Variants in RNF19B observed in about 807,000 individuals in gnomAD.
RNF19B encodes ring finger protein 19B.
Under a neutral mutation model 65.5 loss-of-function variants are expected in RNF19B, and 23 were observed. The ratio of observed to expected loss-of-function variants is 0.35; its 90% confidence interval spans 0.25 to 0.50. RNF19B has a LOEUF of 0.50. RNF19B is among the 20% of genes least tolerant of loss of function. The pLI, the probability that RNF19B is intolerant of heterozygous loss-of-function variation, is 0.98. For synonymous variants in RNF19B, 372 were observed against 379.6 expected, an observed-to-expected ratio of 0.98 and a Z score of 0.23; for missense variants, 794 against 980.0, an observed-to-expected ratio of 0.81 and a Z score of 2.53.
the RNF19B span, among the ~76,000 whole-genome samples, chr1:32,930,166 G>A: frequency 6.6e-6 from 1 of 152,270 alleles, no homozygotes; most frequent in South Asian, 2.1e-4. Context: ...CTGGAGTGCA[G>A]TGGCATGATC....
intron 6 of RNF19B, 71 bp from the exon 7 acceptor site, chr1:32,942,530 A>G: frequency 1.5e-6 from 2 of 1,331,510 alleles, no homozygotes; most frequent in Non-Finnish European, 2.1e-6. Flanking sequence ...TTTTCCTGCA[A>G]TGACTTTTCA....
chr1:32,945,885 T>TA (rs1557571147), intron 4 of RNF19B, among the ~76,000 whole-genome samples: 2 of 151,986 alleles, frequency 1.3e-5, no homozygotes, highest in African/African-American at 2.4e-5. Flanking sequence ...CTTTTATTTT[T>TA]TTTTTTGGAG....
intron 1 of RNF19B, among the ~76,000 whole-genome samples, chr1:32,951,944 G>A (rs377603495): frequency 1.1e-4 from 16 of 145,224 alleles, no homozygotes; most frequent in Non-Finnish European, 1.8e-4. Context: ...ACAGGCGCCC[G>A]CCACCACGCC....
In RNF19B at chr1:32,964,279, C is replaced by G. The variant is rs1642846162; in HGVS notation, c.407G>C (p.Ser136Thr). Residue 136 changes from serine to threonine, a missense_variant, in exon 1 of 9, where the codon AGC (serine) becomes ACC (threonine). Ser to Thr is a moderately conservative substitution (Grantham distance 58). Coordinates refer to ENST00000235150, the MANE Select transcript of RNF19B (RefSeq NM_001300826.2). This position sits in a 1 kb window ranked among gnomAD's most constrained non-coding sequence, Gnocchi z 6.5. ...LPPERAPRLL[S>T]CPHRSCRDCL... Reference sequence around the variant, plus strand: ...GTCCCGGCACGAGCGGTGCGGACAGCTGAGGAGGCGCGGGGCCCGCTCAGG... The same window carrying G: ...GTCCCGGCACGAGCGGTGCGGACAGGTGAGGAGGCGCGGGGCCCGCTCAGG... The G allele has an allele frequency of 6.5e-7, 1 of 1,530,832 alleles. No homozygotes were observed. Among genetic ancestry groups the G allele is most frequent in the Non-Finnish European group, 8.8e-7 (1 of 1,141,424 alleles). The allele number at this position is 1,530,832 out of a possible 1,614,324, so 94.8% of individuals were successfully genotyped here.
At chr1:32,949,834 A>G in intron 1 of RNF19B, 60 bp from the exon 2 acceptor site, 1 of 1,328,312 alleles carries the variant, frequency 7.5e-7, no homozygotes. Context: ...CAAAAGAGAC[A>G]TTATTCATCA....
At chr1:32,959,722 C>T (rs1642724433) in intron 1 of RNF19B, among the ~76,000 whole-genome samples, 1 of 151,916 alleles carries the variant, frequency 6.6e-6, no homozygotes, top group South Asian at 2.1e-4. Context: ...TATACTAGGC[C>T]ATATTGTTCT....
chr1:32,948,970 A>T (rs918061056), intron 2 of RNF19B, among the ~76,000 whole-genome samples: 1 of 152,238 alleles, frequency 6.6e-6, no homozygotes, highest in African/African-American at 2.4e-5. Flanking sequence ...GTGCCAGGAA[A>T]AAGTGAATGG....
chr1:32,950,224 C>T (rs1642461905), intron 1 of RNF19B, among the ~76,000 whole-genome samples: 3 of 152,156 alleles, frequency 2.0e-5, no homozygotes, highest in African/African-American at 4.8e-5. Context: ...CCACCCGCCT[C>T]GGCCTCCCAA....
Position 32,964,193 on chromosome 1 carries a change from C to G in RNF19B, c.493G>C (p.Glu165Gln). Residue 165 changes from glutamate to glutamine, a missense_variant, in exon 1 of 9, where the codon GAG becomes CAG. Glu to Gln is a conservative substitution (Grantham distance 29, BLOSUM62 2). Coordinates refer to ENST00000235150, the MANE Select transcript of RNF19B (RefSeq NM_001300826.2). The surrounding 1 kb of genome is among the most constrained non-coding windows in gnomAD (Gnocchi z 6.5). ...SESRVPISCP[E>Q]CSERLNPHDI... Reference sequence around the variant, plus strand: ...TGCGGGTTGAGTCGCTCGCTGCACTCGGGGCAGCTGATGGGCACCCTGCTC... The same window carrying G: ...TGCGGGTTGAGTCGCTCGCTGCACTGGGGGCAGCTGATGGGCACCCTGCTC... 1 of 1,547,084 alleles carries G rather than the reference C, an allele frequency of 6.5e-7. No individual in the cohort carries two copies. The highest frequency in any genetic ancestry group is 8.7e-7 in the Non-Finnish European group (1 of 1,145,524).
Position 32,964,628 on chromosome 1 carries a change from G to T in RNF19B, c.58C>A (p.Pro20Thr). The T allele has an allele frequency of 4.8e-6, 7 of 1,473,466 alleles. No homozygotes were observed. The highest frequency in any genetic ancestry group is 6.3e-6 in the Non-Finnish European group (7 of 1,116,364). 91.3% of individuals were successfully genotyped at this position (1,473,466 alleles called of 1,614,324 possible). ...PRSTSLHAAA[P>T]DPKCRSGGRR... is the part of the protein sequence containing the mutation. ...CCGCCGCTGCGGCACTTAGGGTCGG[G>T]TGCGGCCGCATGTAGCGATGTGGAG... The change falls in exon 1 of 9, where the codon CCC becomes ACC. Residue 20 changes from proline to threonine, a missense_variant. Pro to Thr is a conservative substitution (Grantham distance 38). Around this residue, in one of 3 missense-constraint regions of RNF19B, gnomAD observed 374 missense variants for 423.8 expected, o/e 0.88. Coordinates refer to ENST00000235150, the MANE Select transcript of RNF19B (RefSeq NM_001300826.2). This position sits in a 1 kb window ranked among gnomAD's most constrained non-coding sequence, Gnocchi z 6.5.
At chr1:32,958,932 A>C (rs1642707209) in intron 1 of RNF19B, among the ~76,000 whole-genome samples, 1 of 152,120 alleles carries the variant, frequency 6.6e-6, no homozygotes, top group Non-Finnish European at 1.5e-5. Context: ...GTGTACGTGC[A>C]CAAGAGGAGG....
rs1570136457 is a variant in RNF19B, at chr1:32,964,773, A to C, written c.-88T>G. 5 of 1,205,642 alleles carry C rather than the reference A, an allele frequency of 4.1e-6. No homozygotes were observed. The highest frequency in any genetic ancestry group is 5.3e-6 in the Non-Finnish European group (5 of 947,800). The allele number at this position is 1,205,642 out of a possible 1,614,324, so 74.7% of individuals were successfully genotyped here. ...CTCAGCCAGCGCCCGGCCGCCGCCGACGCCGCCACCACCGCCTCAACCGCC... is the reference window on the plus strand; with the variant it reads ...CTCAGCCAGCGCCCGGCCGCCGCCGCCGCCGCCACCACCGCCTCAACCGCC... On this transcript the variant is annotated 5_prime_UTR_variant, in exon 1 of 9. Coordinates refer to ENST00000235150, the MANE Select transcript of RNF19B (RefSeq NM_001300826.2). The surrounding 1 kb of genome is among the most constrained non-coding windows in gnomAD (Gnocchi z 6.5).
chr1:32,949,516 C>G, intron 2 of RNF19B, 53 bp downstream of exon 2: 8 of 1,493,796 alleles, frequency 5.4e-6, no homozygotes, highest in Non-Finnish European at 7.5e-6. Flanking sequence ...CAGCTATGGG[C>G]TCACATCATG....
Position 32,938,408 on chromosome 1 carries a change from GTTGTAGGA to G in RNF19B, c.1723_1730del (p.Ser575ProfsTer16). On this transcript the variant is annotated frameshift_variant, in exon 8 of 9. Coordinates refer to ENST00000235150, the MANE Select transcript of RNF19B (RefSeq NM_001300826.2). LOFTEE classifies it high-confidence loss of function. ...GACTGTTCACATACCTGTCCTGTGG[GTTGTAGGA>G]ACTGATTATGGAACCGGCCATAGCA... The G allele has an allele frequency of 1.2e-6, 2 of 1,614,172 alleles. No homozygotes were observed. Among genetic ancestry groups the G allele is most frequent in the Non-Finnish European group, 1.7e-6 (2 of 1,180,042 alleles).
the RNF19B span, among the ~76,000 whole-genome samples, chr1:32,929,204 C>T: frequency 6.6e-6 from 1 of 152,200 alleles, no homozygotes; most frequent in South Asian, 2.1e-4. Context: ...TCTGCTGCAT[C>T]ACCCCAGTCT....
intron 1 of RNF19B, among the ~76,000 whole-genome samples, chr1:32,960,861 T>G (rs891804534): frequency 1.3e-5 from 2 of 151,800 alleles, no homozygotes; most frequent in African/African-American, 4.8e-5. Flanking sequence ...TTAATAATAA[T>G]AATTAGCTGG....
intron 6 of RNF19B, among the ~76,000 whole-genome samples, chr1:32,942,923 G>A (rs1202740644): frequency 8.5e-5 from 13 of 152,068 alleles, no homozygotes; most frequent in African/African-American, 2.2e-4. Flanking sequence ...GGCGGATCAC[G>A]AGGTCAGGAG....
intron 1 of RNF19B, among the ~76,000 whole-genome samples, chr1:32,963,548 T>C (rs929897513): frequency 6.6e-6 from 1 of 151,856 alleles, no homozygotes; most frequent in African/African-American, 2.4e-5. Context: ...AAACCCCATC[T>C]CTACTAAAAA....
chr1:32,933,356 G>A (rs1325755138), downstream of RNF19B, among the ~76,000 whole-genome samples: 3 of 151,936 alleles, frequency 2.0e-5, no homozygotes, highest in East Asian at 3.9e-4. Flanking sequence ...CCGGGTTCAC[G>A]CCATTCTCCT....
Sources: gnomAD v4.1 joint callset for allele counts (sites outside exome capture counted in the v4.1 genomes callset) on GRCh38, gnomAD v4.1.1 for gene constraint, gnomAD v4.1.1 regional missense constraint, Gnocchi (gnomAD v3.1) non-coding constraint, MANE v1.5 for transcripts, NCBI Gene and HGNC (gene_info 2026-07-23, HGNC 2026-07-21) for gene names.